CAMK1D: variants seen among roughly 807,000 people sequenced by gnomAD.
CAMK1D encodes calcium/calmodulin dependent protein kinase ID.
A neutral mutation model predicts 47.7 loss-of-function variants in CAMK1D; 9 were observed. The observed-to-expected ratio is 0.19, with a 90% CI of 0.11 to 0.33. The LOEUF is 0.33. Among genes scored for constraint, CAMK1D ranks in the 10% least tolerant of loss-of-function variants. CAMK1D has a pLI of 1.00. For synonymous variants in CAMK1D, 184 were observed against 184.9 expected (o/e 0.99, Z 0.04); for missense variants, 291 against 488.7 (o/e 0.60, Z 3.81).
intron 2 of CAMK1D, among the ~76,000 whole-genome samples, chr10:12,571,306 G>A (rs75484172): frequency 0.017 from 2,632 of 151,852 alleles, 73 homozygotes; most frequent in African/African-American, 0.06. Context: ...AAAATCAGCC[G>A]GGCATGGTGG....
chr10:12,748,988 A>G (rs1835804564), intron 3 of CAMK1D, among the ~76,000 whole-genome samples: 1 of 152,148 alleles, frequency 6.6e-6, no homozygotes, highest in Admixed American at 6.6e-5. Flanking sequence ...GTTCAATTTG[A>G]TTGTAACTAA....
intron 6 of CAMK1D, among the ~76,000 whole-genome samples, chr10:12,800,117 C>G (rs1000577540): frequency 7.9e-5 from 12 of 152,286 alleles, no homozygotes; most frequent in African/African-American, 2.9e-4. Context: ...TGAACCATTC[C>G]TAGTTTCCCT....
intron 2 of CAMK1D, among the ~76,000 whole-genome samples, chr10:12,651,709 T>TTTTTGTTTA (rs1253797522): frequency 4.0e-5 from 6 of 151,276 alleles, no homozygotes; most frequent in African/African-American, 1.5e-4. Context: ...GACAACTTCT[T>TTTTTGTTTA]TTTTGTTTTT....
At chr10:12,596,505 G>A (rs1475201252) in intron 2 of CAMK1D, among the ~76,000 whole-genome samples, 2 of 152,112 alleles carry the variant, frequency 1.3e-5, no homozygotes, top group African/African-American at 4.8e-5. Flanking sequence ...CAAGGTGCTG[G>A]AGCCATCTCA....
At chr10:12,811,505 A>C (rs1407403062) in intron 6 of CAMK1D, among the ~76,000 whole-genome samples, 3 of 152,218 alleles carry the variant, frequency 2.0e-5, no homozygotes, top group Non-Finnish European at 4.4e-5. Flanking sequence ...TGACTTACTT[A>C]GGCTCCAAGC....
intron 2 of CAMK1D, among the ~76,000 whole-genome samples, chr10:12,570,890 G>T (rs111974025): frequency 3.3e-5 from 5 of 152,224 alleles, no homozygotes; most frequent in African/African-American, 1.2e-4. Flanking sequence ...GGCGGAGGTT[G>T]TAGTGAGCCG....
At chr10:12,610,795 C>G (rs1211828555) in intron 2 of CAMK1D, among the ~76,000 whole-genome samples, 2 of 152,222 alleles carry the variant, frequency 1.3e-5, no homozygotes, top group Non-Finnish European at 2.9e-5. Flanking sequence ...AATGCATATG[C>G]TTTCCAGCCT....
At position 12,718,978 on chromosome 10, in the gene CAMK1D, C is replaced by G. The variant is rs559017139; in HGVS notation, c.300-41970C>G. ...GCCTGCTTCTTTTGCATAGACCCCA[C>G]TCTTGGGCACTTCCACATCTGCTAA... On this transcript the variant is annotated intron_variant, in intron 3 of 10. Transcript: ENST00000619168. Among the ~76,000 whole-genome samples the G allele has an allele frequency of 1.2e-3, 189 of 152,298 alleles. 3 individuals carry two copies. Among genetic ancestry groups the G allele is most frequent in the Non-Finnish European group, 3.4e-4 (23 of 68,030 alleles).
At chr10:12,807,441 G>T (rs1838782670) in intron 6 of CAMK1D, among the ~76,000 whole-genome samples, 1 of 152,156 alleles carries the variant, frequency 6.6e-6, no homozygotes, top group African/African-American at 2.4e-5. Context: ...TTAGTGTTCA[G>T]TTGAAACCTA....
At chr10:12,744,500 C>T (rs920379442) in intron 3 of CAMK1D, among the ~76,000 whole-genome samples, 1 of 152,172 alleles carries the variant, frequency 6.6e-6, no homozygotes, top group Non-Finnish European at 1.5e-5. Flanking sequence ...CATTATTTTC[C>T]TTTTTGCTGT....
At chr10:12,495,815 TC>T (rs1383470341) in intron 1 of CAMK1D, among the ~76,000 whole-genome samples, 1 of 152,124 alleles carries the variant, frequency 6.6e-6, no homozygotes, top group East Asian at 1.9e-4. Flanking sequence ...CCTCAAATAT[TC>T]CTTTATATGT....
chr10:12,722,214 C>A (rs377219327), intron 3 of CAMK1D, among the ~76,000 whole-genome samples: 1 of 151,882 alleles, frequency 6.6e-6, no homozygotes. Context: ...GAGGCTGAGG[C>A]GGGCGGATCA....
chr10:12,629,853 G>A (rs1239444988), intron 2 of CAMK1D, among the ~76,000 whole-genome samples: 1 of 152,254 alleles, frequency 6.6e-6, no homozygotes, highest in African/African-American at 2.4e-5. Context: ...CCCTGTGATT[G>A]TCTTGGATCA....
chr10:12,639,474 G>A (rs1458537275), intron 2 of CAMK1D, among the ~76,000 whole-genome samples: 1 of 148,230 alleles, frequency 6.7e-6, no homozygotes, highest in Non-Finnish European at 1.5e-5. Context: ...GACAGAGCAA[G>A]ACTCTGTCTC....
At chr10:12,454,964 A>G (rs1833198324) in intron 1 of CAMK1D, among the ~76,000 whole-genome samples, 1 of 152,110 alleles carries the variant, frequency 6.6e-6, no homozygotes, top group East Asian at 1.9e-4. Context: ...GAAATGTGTG[A>G]GCAGGCCGGC....
At chr10:12,422,528 C>T (rs1297464551) in intron 1 of CAMK1D, among the ~76,000 whole-genome samples, 1 of 152,102 alleles carries the variant, frequency 6.6e-6, no homozygotes, top group Non-Finnish European at 1.5e-5. Flanking sequence ...TGCAGCATGC[C>T]CCCTGAACAC....
At chr10:12,579,894 T>C (rs1837610719) in intron 2 of CAMK1D, among the ~76,000 whole-genome samples, 1 of 152,128 alleles carries the variant, frequency 6.6e-6, no homozygotes, top group African/African-American at 2.4e-5. Context: ...ACGGAGTGGC[T>C]TTGAGTTTCA....
chr10:12,440,971 C>T (rs527800705), intron 1 of CAMK1D, among the ~76,000 whole-genome samples: 10 of 152,356 alleles, frequency 6.6e-5, no homozygotes, highest in African/African-American at 1.2e-4. Context: ...GCCTGAAAGT[C>T]GGTCATAAGA....
chr10:12,424,798 G>A (rs141802172), intron 1 of CAMK1D, among the ~76,000 whole-genome samples: 1,690 of 152,172 alleles, frequency 0.011, 27 homozygotes, highest in African/African-American at 0.039. Flanking sequence ...AACAGAGCGA[G>A]ACCCCATCTC....
Sources: allele counts gnomAD v4.1 joint callset (sites outside exome capture counted in the v4.1 genomes callset), GRCh38; gene constraint gnomAD v4.1.1; transcripts MANE v1.5; gene names NCBI Gene and HGNC (gene_info 2026-07-23, HGNC 2026-07-21).